The following CLVS1 variants were observed in gnomAD, a reference collection of about 807,000 sequenced individuals.
CLVS1 encodes clavesin 1.
A neutral mutation model predicts 33.1 loss-of-function variants in CLVS1; 10 were observed. The observed-to-expected ratio is 0.30, with a 90% CI of 0.19 to 0.51. The LOEUF (loss-of-function observed/expected upper bound fraction) is 0.51, where lower values mean the gene tolerates loss of function less well. Among genes scored for constraint, CLVS1 ranks in the 20% least tolerant of loss-of-function variants. CLVS1 has a pLI of 0.97. For synonymous variants in CLVS1, 163 were observed against 166.1 expected (o/e 0.98, Z 0.14); for missense variants, 343 against 433.4 (o/e 0.79, Z 1.85).
chr8:61,285,792 T>C (rs149413305), upstream of CLVS1, among the ~76,000 whole-genome samples: 1 of 152,152 alleles, frequency 6.6e-6, no homozygotes, highest in African/African-American at 2.4e-5. Context: ...GAAATACCTA[T>C]ATTTATGAAG....
intron 2 of CLVS1, among the ~76,000 whole-genome samples, chr8:61,341,723 G>A (rs565604686): frequency 6.6e-6 from 1 of 152,302 alleles, no homozygotes; most frequent in African/African-American, 2.4e-5. Flanking sequence ...CAGTCTCACA[G>A]TATTTTCTAT....
chr8:61,359,421 C>T (rs1285855207), intron 2 of CLVS1, among the ~76,000 whole-genome samples: 1 of 151,840 alleles, frequency 6.6e-6, no homozygotes, highest in East Asian at 1.9e-4. Context: ...AATGGTGCGA[C>T]CTTGGCTCAC....
the CLVS1 span, among the ~76,000 whole-genome samples, chr8:60,990,201 C>T: frequency 7.0e-6 from 1 of 142,468 alleles, no homozygotes; most frequent in African/African-American, 2.6e-5. Flanking sequence ...ACTATGAACA[C>T]AATGTTCAGG....
chr8:61,128,201 A>G (rs1004968411), intron 1 of CLVS1, among the ~76,000 whole-genome samples: 12 of 152,254 alleles, frequency 7.9e-5, no homozygotes, highest in African/African-American at 2.9e-4. Flanking sequence ...TCATGATACC[A>G]AGACTTATGC....
chr8:61,061,389 C>T (rs911576984), intron 1 of CLVS1, among the ~76,000 whole-genome samples: 1 of 152,176 alleles, frequency 6.6e-6, no homozygotes, highest in Non-Finnish European at 1.5e-5. Context: ...TCGCACCGCA[C>T]GTACCCATAT....
At chr8:61,429,419 T>TA (rs57688988) in intron 3 of CLVS1, among the ~76,000 whole-genome samples, 2,963 of 72,662 alleles carry the variant, frequency 0.041, 70 homozygotes, top group Middle Eastern at 0.06. Context: ...GACTCTGTCT[T>TA]AAAAAAAAAA....
intron 1 of CLVS1, among the ~76,000 whole-genome samples, chr8:61,075,627 A>G (rs1804896481): frequency 6.6e-6 from 1 of 152,244 alleles, no homozygotes; most frequent in Admixed American, 6.5e-5. Context: ...TGATTGTCTG[A>G]TAAATATGAA....
intron 2 of CLVS1, among the ~76,000 whole-genome samples, chr8:61,305,009 C>T (rs1810571530): frequency 6.6e-6 from 1 of 152,080 alleles, no homozygotes; most frequent in African/African-American, 2.4e-5. Flanking sequence ...CCAATCCTGG[C>T]TCCTCCTAAC....
At chr8:61,297,996 C>T (rs113415830) in intron 1 of CLVS1, among the ~76,000 whole-genome samples, 1 of 152,112 alleles carries the variant, frequency 6.6e-6, no homozygotes, top group Non-Finnish European at 1.5e-5. Context: ...TGCTTGGAAC[C>T]TGTTGTTCTA....
chr8:61,325,945 G>A (rs145004424), intron 2 of CLVS1, among the ~76,000 whole-genome samples: 18 of 152,024 alleles, frequency 1.2e-4, no homozygotes, highest in African/African-American at 2.9e-4. Flanking sequence ...ACTTTCTGCC[G>A]ATCCACAAGT....
the CLVS1 span, among the ~76,000 whole-genome samples, chr8:61,039,375 CT>C: frequency 6.6e-6 from 1 of 152,212 alleles, no homozygotes; most frequent in Non-Finnish European, 1.5e-5. Flanking sequence ...TTGAAACACA[CT>C]GTACAGTCAA....
chr8:61,408,596 A>G (rs982993918), intron 3 of CLVS1, among the ~76,000 whole-genome samples: 3 of 152,204 alleles, frequency 2.0e-5, no homozygotes, highest in Non-Finnish European at 4.4e-5. Context: ...AGGAGTTCTT[A>G]TATTTTACAT....
the CLVS1 span, among the ~76,000 whole-genome samples, chr8:60,993,691 G>A: frequency 6.6e-6 from 1 of 152,168 alleles, no homozygotes; most frequent in Non-Finnish European, 1.5e-5. Flanking sequence ...CAGCCCTAAC[G>A]TGACCCATTG....
chr8:61,210,062 A>G (rs1807939977), intron 2 of CLVS1, among the ~76,000 whole-genome samples: 1 of 152,254 alleles, frequency 6.6e-6, no homozygotes, highest in East Asian at 1.9e-4. Context: ...AAGCAGGATC[A>G]GGTCTTCCCT....
the CLVS1 span, among the ~76,000 whole-genome samples, chr8:61,050,689 T>C: frequency 1.3e-5 from 2 of 152,196 alleles, no homozygotes; most frequent in Non-Finnish European, 2.9e-5. Flanking sequence ...CTACAGATGA[T>C]CCACTTTTGA....
chr8:60,982,110 G>A, the CLVS1 span, among the ~76,000 whole-genome samples: 3 of 152,350 alleles, frequency 2.0e-5, no homozygotes, highest in South Asian at 2.1e-4. Context: ...TTCATGCCAC[G>A]AATGAGAGCA....
intron 1 of CLVS1, among the ~76,000 whole-genome samples, chr8:61,100,461 G>A (rs1210718598): frequency 6.6e-6 from 1 of 152,116 alleles, no homozygotes; most frequent in Non-Finnish European, 1.5e-5. Context: ...CCCCACAAAA[G>A]CTTTGAAGGA....
intron 2 of CLVS1, among the ~76,000 whole-genome samples, chr8:61,316,480 G>C (rs1811014301): frequency 6.6e-6 from 1 of 152,142 alleles, no homozygotes; most frequent in Non-Finnish European, 1.5e-5. Flanking sequence ...GTGGCATACT[G>C]GGGAGGCAAA....
rs1391037288 is a variant in CLVS1, at chr8:61,238,689, A to AT, written c.-151-60981dup. On this transcript the variant is annotated intron_variant, in intron 2 of 2. Coordinates refer to the CLVS1 transcript ENST00000522621. ...TCATACCACTCTTGGTTTGAACAAAATTTTTTTATACTTTACTTAATATTT... is the reference window on the plus strand; with the variant it reads ...TCATACCACTCTTGGTTTGAACAAAATTTTTTTTATACTTTACTTAATATTT... Among the ~76,000 whole-genome samples the AT allele has an allele frequency of 3.3e-5, 5 of 152,218 alleles. No homozygotes were observed. In the South Asian group the frequency reaches 6.2e-4, roughly 19 times the overall value.
Sources: allele counts gnomAD v4.1 joint callset (sites outside exome capture counted in the v4.1 genomes callset), GRCh38; gene constraint gnomAD v4.1.1; transcripts MANE v1.5; gene names NCBI Gene and HGNC (gene_info 2026-07-23, HGNC 2026-07-21).